The following KIF19 variants were observed in gnomAD, a reference collection of about 807,000 sequenced individuals.
The protein encoded by KIF19 is kinesin-like protein KIF19.
A neutral mutation model predicts 106.6 loss-of-function variants in KIF19; 98 were observed. The ratio of observed to expected loss-of-function variants is 0.92; its 90% CI spans 0.78 to 1.09. KIF19 has a LOEUF of 1.09. Ranked by LOEUF, KIF19 falls within the 50% of genes least tolerant of loss-of-function variation. The probability of loss-of-function intolerance (pLI) is 0.00; values close to 1 mark genes in which losing one functional copy is unlikely to be tolerated. For missense variants in KIF19, 1,373 were observed against 1,414.3 expected, an observed-to-expected ratio of 0.97 and a Z score of 0.47; for synonymous variants, 516 against 584.2, an observed-to-expected ratio of 0.88 and a Z score of 1.68.
intron 2 of KIF19, among the ~76,000 whole-genome samples, chr17:74,339,773 G>A (rs965183235): frequency 6.6e-6 from 1 of 152,234 alleles, no homozygotes; most frequent in Non-Finnish European, 1.5e-5. Context: ...AGCATTTAGA[G>A]GCGCCAGCTG....
chr17:74,350,254 C>T lies in KIF19; in HGVS notation c.1214-147C>T, dbSNP rs991727635. The T allele has an allele frequency of 5.6e-6, 4 of 713,378 alleles. No individual in the cohort carries two copies. In the African/African-American group the frequency reaches 7.1e-5, roughly 13 times the overall value. The allele number at this position is 713,378 out of a possible 1,614,324, so 44.2% of individuals were successfully genotyped here. A position where few individuals can be genotyped will look rare whatever the true frequency, so the allele number is the denominator to read the frequency against. On this transcript the variant is annotated intron_variant, in intron 10 of 19. Transcript: ENST00000389916. ...GTGGGGTCTGGGAGGATGTAGTAAT[C>T]TAGGGGGTCTTCCTGGAGGAAGCAG...
rs915517451 is a variant in KIF19 at position 74,331,908 on chromosome 17, G to A, written c.120+3403G>A. ...GATTTTTAATGGGGATAGTCCAGTT[G>A]CCTTGGAAGGCCAGTGATTCCAGGA... On this transcript the variant is annotated intron_variant, in intron 2 of 19. Coordinates refer to ENST00000389916, the MANE Select transcript of KIF19 (RefSeq NM_153209.4). This position sits in a 1 kb window ranked among gnomAD's most constrained non-coding sequence, Gnocchi z 4.1. Among the ~76,000 whole-genome samples, 9 of 152,080 alleles carry A rather than the reference G, an allele frequency of 5.9e-5. No homozygotes were observed. The highest frequency in any genetic ancestry group is 1.0e-4 in the Non-Finnish European group (7 of 68,010).
chr17:74,342,323 C>T (rs756606901), intron 3 of KIF19, among the ~76,000 whole-genome samples: 2 of 152,180 alleles, frequency 1.3e-5, no homozygotes, highest in African/African-American at 2.4e-5. Flanking sequence ...ACACCCTCCT[C>T]GAGGACCCCC....
In KIF19 at chr17:74,346,905, C is replaced by T. The variant is rs565701744; in HGVS notation, c.924+381C>T. Among the ~76,000 whole-genome samples the T allele has an allele frequency of 5.9e-5, 9 of 152,246 alleles. No homozygotes were observed. Among genetic ancestry groups the T allele is most frequent in the Middle Eastern group, 6.8e-3 (2 of 294 alleles). The stretch of plus-strand genomic sequence containing the variant: ...CTGTTTGGGGGTGGCCTCCTTTGTG[C>T]AGGGGTGTCCTTGGCCTTAAATTAT... On this transcript the variant is annotated intron_variant, in intron 8 of 19. Coordinates refer to ENST00000389916, the MANE Select transcript of KIF19 (RefSeq NM_153209.4). This position sits in a 1 kb window ranked among gnomAD's most constrained non-coding sequence, Gnocchi z 4.6.
At chr17:74,351,312 G>A (rs77177196) in intron 12 of KIF19, 3 of 130,088 alleles carry the variant, frequency 2.3e-5, no homozygotes, top group African/African-American at 6.4e-5. Context: ...GCGAAATCCC[G>A]TCTTTACTAA....
intron 9 of KIF19, 41 bp downstream of exon 9, chr17:74,347,940 G>T (rs2054585734): frequency 6.4e-7 from 1 of 1,554,106 alleles, no homozygotes. Flanking sequence ...CACCTTCCTG[G>T]GCTGAGATTC....
intron 2 of KIF19, among the ~76,000 whole-genome samples, chr17:74,336,987 G>A (rs183485793): frequency 1.3e-5 from 2 of 152,166 alleles, no homozygotes; most frequent in Admixed American, 1.3e-4. Flanking sequence ...CACCATGCCC[G>A]GCTAGTTTTT....
Position 74,344,750 on chromosome 17 carries a change from CT to C in KIF19, c.583-10del. 6.2e-7 allele frequency: 1 copy of C among 1,602,374 alleles called. No individual in the cohort carries two copies. The highest frequency in any genetic ancestry group is 8.5e-7 in the Non-Finnish European group (1 of 1,171,710). On this transcript the variant is annotated splice_polypyrimidine_tract_variant and intron_variant, in intron 6 of 19. Transcript: ENST00000389916. The stretch of plus-strand genomic sequence containing the variant: ...AGTCGCTAAGAGCTGCCTCTCCTCC[CT>C]CCCACCCAGATCATGCAGCTGCTGA...
rs370861097 is a variant in KIF19 at position 74,355,302 on chromosome 17, G to T, written c.2987G>T (p.Arg996Leu). 1.2e-6 allele frequency: 2 copies of T among 1,609,428 alleles called. No homozygotes were observed. The highest frequency in any genetic ancestry group is 1.1e-5 in the South Asian group (1 of 90,662). ...ACCCATGGCAAAGATGGATGCTCCC[G>T]GCATAACTGAGGGGCCCTGCCTGGA... ...TSTHGKDGCSRHN is the reference protein window; with the variant it reads ...TSTHGKDGCSLHN The change falls in exon 20 of 20, where the codon CGG becomes CTG. Residue 996 changes from arginine to leucine, a missense_variant. Around this residue, in one of 3 missense-constraint regions of KIF19, gnomAD observed 1,020 missense variants for 1,008.2 expected, o/e 1.01. Coordinates refer to ENST00000389916, the MANE Select transcript of KIF19 (RefSeq NM_153209.4).
intron 2 of KIF19, among the ~76,000 whole-genome samples, chr17:74,334,161 T>G (rs1598372959): frequency 6.6e-6 from 1 of 152,134 alleles, no homozygotes; most frequent in African/African-American, 2.4e-5. Context: ...TGAATAATGT[T>G]TGAGGTGTGG....
chr17:74,343,391 C>T (rs542889760), intron 5 of KIF19, among the ~76,000 whole-genome samples: 1 of 152,066 alleles, frequency 6.6e-6, no homozygotes, highest in Non-Finnish European at 1.5e-5. Context: ...GGCCAAGCTC[C>T]GCCCTGTGCC....
chr17:74,344,193 C>A, intron 5 of KIF19, 30 bp from the exon 6 acceptor site: 1 of 1,589,598 alleles, frequency 6.3e-7, no homozygotes, highest in Non-Finnish European at 8.6e-7. Flanking sequence ...AGTCTCCCTT[C>A]CCCCACCCCT....
At position 74,353,295 on chromosome 17, in the gene KIF19, G is replaced by A. The variant is rs370420460; in HGVS notation, c.2214G>A (p.Thr738=). 7.7e-5 allele frequency: 121 copies of A among 1,568,640 alleles called. 2 individuals are homozygous for A. Among genetic ancestry groups the A allele is most frequent in the African/African-American group, 3.9e-4 (29 of 73,866 alleles). Residue 738 remains threonine, a synonymous_variant, in exon 16 of 20, where the codon ACG becomes ACA. Coordinates refer to ENST00000389916, the MANE Select transcript of KIF19 (RefSeq NM_153209.4). ...CCATCCAGCTCGGCAGCCTGGTGAC[G>A]CAGGAGGTGAGCTCTCAGTACCCGA... ...PPPIQLGSLV[T]QEAPAQDSLG...
intron 12 of KIF19, 124 bp downstream of exon 12, chr17:74,351,029 C>G: frequency 1.1e-6 from 1 of 940,692 alleles, no homozygotes; most frequent in Non-Finnish European, 1.7e-6. Context: ...GCCACAAATC[C>G]TGTGTGACTT....
chr17:74,354,991 G>T, intron 19 of KIF19, 50 bp downstream of exon 19: 1 of 1,564,824 alleles, frequency 6.4e-7, no homozygotes, highest in East Asian at 2.3e-5. Flanking sequence ...CACCAGGCAG[G>T]GGAGCAGAGA....
At position 74,340,363 on chromosome 17, in the gene KIF19, CT is replaced by C. The variant is rs1432690487; in HGVS notation, c.121-1512del. Among the ~76,000 whole-genome samples the C allele has an allele frequency of 2.6e-5, 4 of 152,328 alleles. No individual in the cohort carries two copies. In the East Asian group the frequency reaches 7.7e-4, roughly 29 times the overall value. ...CCAGCAAGGACGCAGCCTCCTTCCT[CT>C]GCATCTCTGCATAGAGCTCGGGACA... is the stretch of plus-strand genomic sequence containing the variant. On this transcript the variant is annotated intron_variant, in intron 2 of 19. Transcript: ENST00000389916.
chr17:74,341,807 C>G, intron 2 of KIF19, 69 bp from the exon 3 acceptor site: 4 of 1,032,436 alleles, frequency 3.9e-6, no homozygotes, highest in Non-Finnish European at 6.2e-6. Context: ...GTTAACCTTC[C>G]TGAGGGTTGA....
rs745327275 is a variant in KIF19 at position 74,349,265 on chromosome 17, C to T, written c.1129C>T (p.Arg377Ter). 3.1e-6 allele frequency: 5 copies of T among 1,613,386 alleles called. No homozygotes were observed. Among genetic ancestry groups the T allele is most frequent in the South Asian group, 2.2e-5 (2 of 91,062 alleles). The change falls in exon 10 of 20, where the codon CGA becomes TGA. Residue 377 changes from arginine to a stop codon, truncating the protein, a stop_gained. Transcript: ENST00000389916. LOFTEE classifies it high-confidence loss of function. ...IIADLRGEIQ[R>*]LKRKIDEQTG... The stretch of plus-strand genomic sequence containing the variant: ...CGCTGACCTGCGGGGCGAGATCCAG[C>T]GACTCAAGCGCAAGATTGATGAGCA...
At chr17:74,349,802 T>G (rs59329103) in intron 10 of KIF19, among the ~76,000 whole-genome samples, 1 of 27,376 alleles carries the variant, frequency 3.7e-5, no homozygotes, top group African/African-American at 6.7e-4. Flanking sequence ...ACAGTAAAGA[T>G]TTTTTTTTTT....
Sources: gnomAD v4.1 joint callset for allele counts (sites outside exome capture counted in the v4.1 genomes callset) on GRCh38, gnomAD v4.1.1 for gene constraint, gnomAD v4.1.1 regional missense constraint, Gnocchi (gnomAD v3.1) non-coding constraint, MANE v1.5 for transcripts, NCBI Gene and HGNC (gene_info 2026-07-23, HGNC 2026-07-21) for gene names.